The following CDH13 variants were observed in gnomAD, a reference collection of about 807,000 sequenced individuals.
CDH13 encodes the protein cadherin-13.
CDH13 carries 24 observed loss-of-function variants against 63.8 expected under a neutral mutation model. The ratio of observed to expected loss-of-function variants is 0.38; its 90% CI spans 0.27 to 0.53. The LOEUF (loss-of-function observed/expected upper bound fraction) is 0.53. CDH13 is among the 20% of genes least tolerant of loss of function. The pLI, the probability that CDH13 is intolerant of heterozygous loss-of-function variation, is 0.85. For missense variants in CDH13, 1,049 were observed against 903.1 expected (o/e 1.16, Z -2.07); for synonymous variants, 503 against 355.3 (o/e 1.42, Z -4.67).
At chr16:82,659,153 A>T (rs1911640942) in intron 1 of CDH13, among the ~76,000 whole-genome samples, 1 of 152,038 alleles carries the variant, frequency 6.6e-6, no homozygotes, top group Non-Finnish European at 1.5e-5. Context: ...AGTTGATTTG[A>T]CTCCTTTAAA....
At chr16:83,469,955 C>G (rs12599265) in intron 6 of CDH13, among the ~76,000 whole-genome samples, 147,420 of 152,300 alleles carry the variant, frequency 0.97, 71,474 homozygotes, top group East Asian at 1. Context: ...GACCCTTAGA[C>G]AGTGTCACCT....
chr16:83,728,342 C>CGTGTGTGTGTGTGTGTGT (rs145865689), intron 10 of CDH13, among the ~76,000 whole-genome samples: 17,212 of 149,198 alleles, frequency 0.12, 1,290 homozygotes, highest in Non-Finnish European at 0.17. Flanking sequence ...TATGTGTGTG[C>CGTGTGTGTGTGTGTGTGT]GTGTGTGTGT....
intron 6 of CDH13, among the ~76,000 whole-genome samples, chr16:83,380,245 G>T (rs1243952254): frequency 6.6e-6 from 1 of 151,866 alleles, no homozygotes; most frequent in African/African-American, 2.4e-5. Context: ...CAAAGCAAAT[G>T]TGACAAAGTG....
intron 1 of CDH13, among the ~76,000 whole-genome samples, chr16:82,818,531 G>T (rs573856090): frequency 6.6e-6 from 1 of 152,258 alleles, no homozygotes; most frequent in African/African-American, 2.4e-5. Flanking sequence ...AACATTTGAG[G>T]AATCTCTTGA....
intron 1 of CDH13, among the ~76,000 whole-genome samples, chr16:82,792,515 T>G (rs1030928315): frequency 6.6e-6 from 1 of 152,112 alleles, no homozygotes; most frequent in Non-Finnish European, 1.5e-5. Flanking sequence ...CTGAGGACCA[T>G]TTATAAGTTC....
chr16:83,219,069 A>C (rs1428075530), intron 5 of CDH13, among the ~76,000 whole-genome samples: 1 of 152,142 alleles, frequency 6.6e-6, no homozygotes. Context: ...CATTAGCAGC[A>C]TGAGAACGGA....
chr16:83,057,235 C>T, intron 3 of CDH13, among the ~76,000 whole-genome samples: 1 of 152,094 alleles, frequency 6.6e-6, no homozygotes, highest in Non-Finnish European at 1.5e-5. Flanking sequence ...AAAGTACTGG[C>T]ATTACAGGTG....
At chr16:82,848,483 T>G (rs954813270) in intron 1 of CDH13, among the ~76,000 whole-genome samples, 55 of 152,178 alleles carry the variant, frequency 3.6e-4, no homozygotes, top group African/African-American at 1.3e-3. Context: ...GTTTTGATAA[T>G]TCTCCCGGTT....
Position 83,678,370 on chromosome 16 carries a change from A to G in CDH13, c.1447A>G (p.Met483Val), listed in dbSNP as rs1167018727. The G allele has an allele frequency of 4.3e-6, 7 of 1,613,886 alleles. 1 individual carries two copies. The South Asian group carries it at 7.7e-5, about 18-fold the overall frequency. Residue 483 changes from methionine (M) to valine (V), a missense_variant, in exon 10 of 14, where the codon ATG (methionine) becomes GTG (valine). Physicochemically the swap from Met to Val is conservative, Grantham distance 21. Transcript: ENST00000567109. ...EGPVFYPDPM[M>V]VTRQEDLSVG... ...CCCAGTCTTCTACCCAGACCCCATG[A>G]TGGTGACCAGGCAGGAGGACCTCTC...
At chr16:83,359,170 C>T (rs1314722071) in intron 6 of CDH13, among the ~76,000 whole-genome samples, 1 of 152,126 alleles carries the variant, frequency 6.6e-6, no homozygotes, top group Non-Finnish European at 1.5e-5. Context: ...GACAAGGGTA[C>T]AGCACAAGGG....
At chr16:82,732,317 C>G (rs951332377) in intron 1 of CDH13, among the ~76,000 whole-genome samples, 2 of 152,142 alleles carry the variant, frequency 1.3e-5, no homozygotes, top group South Asian at 4.1e-4. Context: ...TCAGCTCCAT[C>G]CAGCCCAAGT....
At chr16:82,925,647 T>G (rs1285724710) in intron 2 of CDH13, among the ~76,000 whole-genome samples, 1 of 152,172 alleles carries the variant, frequency 6.6e-6, no homozygotes, top group African/African-American at 2.4e-5. Context: ...CCTACCAACA[T>G]GTAGACATGA....
intron 6 of CDH13, among the ~76,000 whole-genome samples, chr16:83,473,824 G>A (rs1308944944): frequency 6.6e-6 from 1 of 152,162 alleles, no homozygotes; most frequent in African/African-American, 2.4e-5. Flanking sequence ...AGATAACTGA[G>A]GTGATGGGCA....
chr16:82,855,456 C>T (rs879897744), intron 1 of CDH13, among the ~76,000 whole-genome samples: 15 of 152,196 alleles, frequency 9.9e-5, no homozygotes, highest in African/African-American at 2.2e-4. Context: ...GGAAGGTTAA[C>T]GCATAATTGT....
At position 82,986,749 on chromosome 16, in the gene CDH13, C is replaced by A. The variant is rs10492870; in HGVS notation, c.158-45261C>A. 5.1e-4 allele frequency among the ~76,000 whole-genome samples: 78 copies of A among 152,230 alleles called. 1 individual carries two copies. The East Asian group carries it at 0.015, about 29-fold the overall frequency. ...GTCAAACCAAGTCACAAGGATAACCCAACTGTAAGACCATGGCAAGGTGAT... is the reference window on the plus strand; with the variant it reads ...GTCAAACCAAGTCACAAGGATAACCAAACTGTAAGACCATGGCAAGGTGAT... On this transcript the variant is annotated intron_variant, in intron 2 of 13. Transcript: ENST00000567109.
chr16:83,313,074 T>C (rs747674), intron 5 of CDH13, among the ~76,000 whole-genome samples: 20,910 of 152,248 alleles, frequency 0.14, 1,742 homozygotes, highest in Admixed American at 0.18. Flanking sequence ...AGGATTGGCA[T>C]CAGGGTTGCA....
chr16:83,753,296 C>A (rs1913240584), intron 11 of CDH13, among the ~76,000 whole-genome samples: 1 of 152,138 alleles, frequency 6.6e-6, no homozygotes, highest in African/African-American at 2.4e-5. Flanking sequence ...GTAATCCTAG[C>A]ACTTTGGGAG....
chr16:83,700,959 C>G (rs1906128410), intron 10 of CDH13, among the ~76,000 whole-genome samples: 1 of 152,104 alleles, frequency 6.6e-6, no homozygotes, highest in African/African-American at 2.4e-5. Context: ...AATCTATTTA[C>G]ACCCTCTTCC....
chr16:82,651,442 C>A (rs1910708518), intron 1 of CDH13, among the ~76,000 whole-genome samples: 1 of 152,220 alleles, frequency 6.6e-6, no homozygotes, highest in African/African-American at 2.4e-5. Context: ...TTGTCTTCTT[C>A]AGCAAACAAT....
Sources: allele counts gnomAD v4.1 joint callset (sites outside exome capture counted in the v4.1 genomes callset), GRCh38; gene constraint gnomAD v4.1.1; transcripts MANE v1.5; gene names NCBI Gene and HGNC (gene_info 2026-07-23, HGNC 2026-07-21).